Variants in GPR107 observed in about 807,000 individuals in gnomAD.
GPR107 encodes the protein protein GPR107.
A neutral mutation model predicts 75.5 loss-of-function variants in GPR107; 31 were observed. The ratio of observed to expected loss-of-function variants is 0.41; its 90% confidence interval spans 0.31 to 0.55. The LOEUF (loss-of-function observed/expected upper bound fraction) is 0.55, where lower values mean the gene tolerates loss of function less well. Ranked by LOEUF, GPR107 falls within the 20% of genes least tolerant of loss-of-function variation. The probability of loss-of-function intolerance (pLI) is 0.26; values close to 1 mark genes in which losing one functional copy is unlikely to be tolerated. For synonymous variants in GPR107, 267 were observed against 251.3 expected, an observed-to-expected ratio of 1.06 and a Z score of -0.59; for missense variants, 572 against 665.7, an observed-to-expected ratio of 0.86 and a Z score of 1.55.
chr9:130,089,951 G>C (rs934397021), intron 7 of GPR107, among the ~76,000 whole-genome samples: 2 of 152,030 alleles, frequency 1.3e-5, no homozygotes, highest in Admixed American at 1.3e-4. Context: ...AAGTAACTAT[G>C]AACAGTCACC....
chr9:130,095,421 A>G (rs968691614), intron 9 of GPR107, among the ~76,000 whole-genome samples: 5 of 152,012 alleles, frequency 3.3e-5, no homozygotes, highest in African/African-American at 1.2e-4. Flanking sequence ...TTTGAGACAG[A>G]GTCTCGCTCT....
At position 130,079,663 on chromosome 9, in the gene GPR107, C is replaced by T. The variant is rs147298143; in HGVS notation, c.420C>T (p.Thr140=). ...VRVKSPPEAG[T]QLPKIIFSRD... ...TAAAGTCTCCACCAGAAGCTGGTAC[C>T]CAGTTACCAAAGATCATCTTCAGCA... Residue 140 remains threonine (T), a synonymous_variant, in exon 5 of 18, where the codon ACC becomes ACT. Transcript: ENST00000347136. The T allele has an allele frequency of 1.2e-6, 2 of 1,613,176 alleles. No homozygotes were observed. The highest frequency in any genetic ancestry group is 2.7e-5 in the African/African-American group (2 of 75,006).
At position 130,053,962 on chromosome 9, in the gene GPR107, C is replaced by G. The variant is rs566413292; in HGVS notation, c.30C>G (p.Pro10=). MAALAPVGS[P]ASRGPRLAAG... Reference sequence around the variant, plus strand: ...CCGCTCTGGCGCCCGTCGGCTCCCCCGCCTCCCGCGGTCCTAGGCTGGCCG... The same window carrying G: ...CCGCTCTGGCGCCCGTCGGCTCCCCGGCCTCCCGCGGTCCTAGGCTGGCCG... Residue 10 remains proline, a synonymous_variant, in exon 1 of 18, where the codon CCC becomes CCG. Coordinates refer to ENST00000347136, the MANE Select transcript of GPR107 (RefSeq NM_020960.5). 3.0e-5 allele frequency: 46 copies of G among 1,555,252 alleles called. No homozygotes were observed. The highest frequency in any genetic ancestry group is 3.0e-4 in the South Asian group (25 of 84,608).
At chr9:130,087,196 C>G (rs1337712020) in intron 7 of GPR107, among the ~76,000 whole-genome samples, 1 of 151,842 alleles carries the variant, frequency 6.6e-6, no homozygotes, top group East Asian at 1.9e-4. Context: ...GACCACCATA[C>G]CTGGCTAATT....
In GPR107 at chr9:130,104,688, T is replaced by G. The variant is rs1037158715; in HGVS notation, c.1262+138T>G. The G allele has an allele frequency of 8.7e-6, 6 of 691,210 alleles. No individual in the cohort carries two copies. The African/African-American group carries it at 1.1e-4, about 12-fold the overall frequency. The allele number at this position is 691,210 out of a possible 1,614,324, so 42.8% of individuals were successfully genotyped here. The stretch of plus-strand genomic sequence containing the variant: ...CAGCTTTCTGAGTCCCAGACTGACC[T>G]GAATCAGCCTCCAGGGGCAGAACCC... On this transcript the variant is annotated intron_variant, in intron 13 of 17. Transcript: ENST00000347136.
intron 1 of GPR107, among the ~76,000 whole-genome samples, chr9:130,056,517 A>C (rs1829792938): frequency 6.6e-6 from 1 of 152,188 alleles, no homozygotes; most frequent in Non-Finnish European, 1.5e-5. Context: ...TTGGCTTCCC[A>C]GGGCCACATT....
intron 14 of GPR107, chr9:130,108,869 C>G (rs1395363723): frequency 7.1e-6 from 3 of 423,542 alleles, no homozygotes; most frequent in Non-Finnish European, 1.4e-5. Flanking sequence ...GCAGGAGTCA[C>G]AGAGCTTTTG....
At chr9:130,132,953 C>T (rs1397776180) in intron 17 of GPR107, 1 of 151,988 alleles carries the variant, frequency 6.6e-6, no homozygotes, top group South Asian at 2.1e-4. Context: ...TTTTTGGAAA[C>T]TCCCCTGACC....
rs10578697 is a variant in GPR107 at position 130,062,420 on chromosome 9, GATAATAATAATA to G, written c.141+8375_141+8386del. On this transcript the variant is annotated intron_variant, in intron 1 of 17. Coordinates refer to ENST00000347136, the MANE Select transcript of GPR107 (RefSeq NM_020960.5). ...AAGAGCAAGACCCTGTCTCGAAAAT[GATAATAATAATA>G]ATAATAATAATAATAATAATAATAA... 1.3e-3 allele frequency among the ~76,000 whole-genome samples: 183 copies of G among 139,876 alleles called. 1 individual carries two copies. Among genetic ancestry groups the G allele is most frequent in the African/African-American group, 4.1e-3 (157 of 38,094 alleles). The allele number at this position is 139,876 out of a possible 152,430, so 91.8% of individuals were successfully genotyped here. A position where few individuals can be genotyped will look rare whatever the true frequency, so the allele number is the denominator to read the frequency against.
chr9:130,075,497 C>CA, intron 1 of GPR107, 139 bp from the exon 2 acceptor site: 1 of 538,314 alleles, frequency 1.9e-6, no homozygotes, highest in East Asian at 3.3e-5. Context: ...CCACCCGCCT[C>CA]AGTCTCCCAA....
At chr9:130,084,047 C>CATATAT (rs139002438) in intron 6 of GPR107, among the ~76,000 whole-genome samples, 36,470 of 130,606 alleles carry the variant, frequency 0.28, 5,589 homozygotes, top group African/African-American at 0.35. Context: ...AGAGAGCTAA[C>CATATAT]ATATATATAT....
chr9:130,078,383 A>T (rs1830412738), intron 4 of GPR107, among the ~76,000 whole-genome samples: 2 of 149,376 alleles, frequency 1.3e-5, no homozygotes, highest in Non-Finnish European at 3.0e-5. Context: ...ATAAGCTTCT[A>T]AAAAAAAAAT....
chr9:130,054,572 T>A (rs1829691970), intron 1 of GPR107, among the ~76,000 whole-genome samples: 1 of 152,180 alleles, frequency 6.6e-6, no homozygotes, highest in African/African-American at 2.4e-5. Context: ...GAATTTCAAA[T>A]CTTGCTTAAA....
intron 1 of GPR107, among the ~76,000 whole-genome samples, chr9:130,064,451 C>A: frequency 6.7e-6 from 1 of 150,240 alleles, no homozygotes; most frequent in Admixed American, 6.6e-5. Flanking sequence ...CCACCCGCCT[C>A]GGCCTCCCAA....
At chr9:130,064,959 G>C (rs1388481511) in intron 1 of GPR107, among the ~76,000 whole-genome samples, 1 of 152,078 alleles carries the variant, frequency 6.6e-6, no homozygotes, top group Non-Finnish European at 1.5e-5. Flanking sequence ...CCTTGATTTT[G>C]GACTTGTAGC....
At chr9:130,058,708 G>A (rs540669678) in intron 1 of GPR107, among the ~76,000 whole-genome samples, 42 of 151,884 alleles carry the variant, frequency 2.8e-4, no homozygotes, top group Non-Finnish European at 5.0e-4. Flanking sequence ...CAAGCAGTCC[G>A]CCCGCCTCGG....
chr9:130,115,397 T>G (rs1424272740), intron 14 of GPR107, among the ~76,000 whole-genome samples: 1 of 152,120 alleles, frequency 6.6e-6, no homozygotes, highest in East Asian at 1.9e-4. Context: ...TTTTCTTGCT[T>G]TCTCTTTTCT....
Position 130,128,961 on chromosome 9 carries a change from G to C in GPR107, c.1562+200G>C, listed in dbSNP as rs145928845. ...TACAGTATCTGCCAAACCTAGCTGG[G>C]TCTTGTCAGGGAAGATGGAACTTGC... On this transcript the variant is annotated intron_variant, in intron 17 of 17. Transcript: ENST00000347136. 268 of 514,340 alleles carry C rather than the reference G, an allele frequency of 5.2e-4. 6 individuals carry two copies. In the South Asian group the frequency reaches 5.9e-3, roughly 11 times the overall value. 31.9% of individuals were successfully genotyped at this position (514,340 alleles called of 1,614,324 possible).
At chr9:130,067,752 C>CCTT (rs1554890696) in intron 1 of GPR107, among the ~76,000 whole-genome samples, 52 of 116,588 alleles carry the variant, frequency 4.5e-4, no homozygotes, top group Middle Eastern at 4.2e-3. Context: ...CCACCGCCCC[C>CCTT]TTTTTTTTTT....
Sources: gnomAD v4.1 joint callset for allele counts (sites outside exome capture counted in the v4.1 genomes callset) on GRCh38, gnomAD v4.1.1 for gene constraint, MANE v1.5 for transcripts, NCBI Gene and HGNC (gene_info 2026-07-23, HGNC 2026-07-21) for gene names.